The following PTPRN2 variants were observed in gnomAD, a reference collection of about 807,000 sequenced individuals.
PTPRN2 encodes receptor-type tyrosine-protein phosphatase N2.
Under a neutral mutation model 118.8 loss-of-function variants are expected in PTPRN2, and 74 were observed. The ratio of observed to expected loss-of-function variants is 0.62; its 90% CI spans 0.52 to 0.76. The LOEUF (loss-of-function observed/expected upper bound fraction) is 0.76. PTPRN2 is among the 30% of genes least tolerant of loss of function. The probability of loss-of-function intolerance (pLI) is 0.00; values close to 1 mark genes in which losing one functional copy is unlikely to be tolerated. For synonymous variants in PTPRN2, 641 were observed against 608.0 expected, an observed-to-expected ratio of 1.05 and a Z score of -0.80; for missense variants, 1,481 against 1,394.4, an observed-to-expected ratio of 1.06 and a Z score of -0.99.
chr7:157,734,421 T>C (rs1366167701), intron 12 of PTPRN2, among the ~76,000 whole-genome samples: 1 of 152,270 alleles, frequency 6.6e-6, no homozygotes, highest in Non-Finnish European at 1.5e-5. Context: ...CCAATTCAGC[T>C]TTTCAAACAA....
At chr7:158,062,250 C>CAGGT in intron 11 of PTPRN2, among the ~76,000 whole-genome samples, 1 of 152,366 alleles carries the variant, frequency 6.6e-6, no homozygotes, top group East Asian at 1.9e-4. Flanking sequence ...TCCAACATCA[C>CAGGT]AGGTAAGTCA....
intron 2 of PTPRN2, among the ~76,000 whole-genome samples, chr7:158,336,650 C>CAA (rs770426497): frequency 2.3e-5 from 2 of 86,114 alleles, no homozygotes; most frequent in South Asian, 3.5e-4. Flanking sequence ...CACACCCACA[C>CAA]GTCACTCACA....
chr7:158,371,951 G>A (rs763486446), intron 2 of PTPRN2, among the ~76,000 whole-genome samples: 1 of 152,202 alleles, frequency 6.6e-6, no homozygotes, highest in African/African-American at 2.4e-5. Flanking sequence ...CGCACTCAGC[G>A]TCCGTCGTGG....
intron 9 of PTPRN2, among the ~76,000 whole-genome samples, chr7:158,129,267 C>CAACACACCACAT (rs1554548891): frequency 6.6e-6 from 1 of 150,392 alleles, no homozygotes; most frequent in African/African-American, 2.5e-5. Context: ...ACACACCACA[C>CAACACACCACAT]ACTACACACC....
At chr7:157,556,955 C>G (rs1412780002) in intron 21 of PTPRN2, among the ~76,000 whole-genome samples, 1 of 151,180 alleles carries the variant, frequency 6.6e-6, no homozygotes, top group East Asian at 2.0e-4. Context: ...ACCCTACGCT[C>G]ATGTCATATG....
intron 12 of PTPRN2, among the ~76,000 whole-genome samples, chr7:157,720,929 C>T (rs775245055): frequency 1.3e-5 from 2 of 152,120 alleles, no homozygotes; most frequent in African/African-American, 4.8e-5. Flanking sequence ...GAAAGCCCCT[C>T]GCGAGTTGAG....
At chr7:158,197,646 G>A (rs562391383) in intron 4 of PTPRN2, among the ~76,000 whole-genome samples, 1 of 152,308 alleles carries the variant, frequency 6.6e-6, no homozygotes, top group East Asian at 1.9e-4. Context: ...ACTCAGTTCA[G>A]CATGGCTGGG....
chr7:158,091,623 AGTGG>A (rs1208238758), intron 10 of PTPRN2, among the ~76,000 whole-genome samples: 14 of 116,564 alleles, frequency 1.2e-4, no homozygotes, highest in East Asian at 3.1e-4. Flanking sequence ...TGGTTGGGTG[AGTGG>A]GTGGGTGGGT....
intron 1 of PTPRN2, among the ~76,000 whole-genome samples, chr7:158,498,658 C>G (rs1822130097): frequency 6.6e-6 from 1 of 152,108 alleles, no homozygotes; most frequent in African/African-American, 2.4e-5. Context: ...ACTAAGAAAA[C>G]ATTTCTAACC....
chr7:158,525,049 C>T lies in PTPRN2; in HGVS notation c.113-35264G>A, dbSNP rs898312762. ...TCCTGCACCCTCCGAAAAGACAGCC[C>T]TTGGAAGACTGTGGCTCAGGATGCA... On this transcript the variant is annotated intron_variant, in intron 1 of 22. Coordinates refer to ENST00000389418, the MANE Select transcript of PTPRN2 (RefSeq NM_002847.5). This position sits in a 1 kb window ranked among gnomAD's most constrained non-coding sequence, Gnocchi z 4.1. Among the ~76,000 whole-genome samples the T allele has an allele frequency of 5.9e-5, 9 of 152,092 alleles. No individual in the cohort carries two copies. Among genetic ancestry groups the T allele is most frequent in the Non-Finnish European group, 1.2e-4 (8 of 68,024 alleles).
rs1033265601 is a variant in PTPRN2, at chr7:157,861,345, G to A, written c.1788+37328C>T. Among the ~76,000 whole-genome samples the A allele has an allele frequency of 2.0e-4, 30 of 152,374 alleles. 1 individual carries two copies. The highest frequency in any genetic ancestry group is 1.7e-3 in the East Asian group (9 of 5,186). On this transcript the variant is annotated intron_variant, in intron 12 of 22. Transcript: ENST00000389418. The surrounding 1 kb of genome is among the most constrained non-coding windows in gnomAD (Gnocchi z 5.8). ...CCGGAAGCACCTCCGGCTGGAGCTC[G>A]GCCAAGGAGCCCGGGTCCCTTCAGT... is the stretch of plus-strand genomic sequence containing the variant.
chr7:157,970,690 C>T (rs1238350984), intron 11 of PTPRN2, among the ~76,000 whole-genome samples: 1 of 144,436 alleles, frequency 6.9e-6, no homozygotes, highest in African/African-American at 2.5e-5. Context: ...CCTGGTGAGC[C>T]TTGGTGGGAC....
chr7:157,913,273 C>A (rs1280077220), intron 11 of PTPRN2, among the ~76,000 whole-genome samples: 4 of 152,132 alleles, frequency 2.6e-5, no homozygotes, highest in Non-Finnish European at 5.9e-5. Context: ...TATACAGCAC[C>A]CTTCCTAAAC....
chr7:157,760,823 G>A (rs1274000099), intron 12 of PTPRN2, among the ~76,000 whole-genome samples: 2 of 152,178 alleles, frequency 1.3e-5, no homozygotes, highest in African/African-American at 2.4e-5. Context: ...AGACAATGGG[G>A]TTTTCTAGAT....
rs775835019 is a variant in PTPRN2 at position 157,786,836 on chromosome 7, G to A, written c.1789-103899C>T. Among the ~76,000 whole-genome samples the A allele has an allele frequency of 3.7e-4, 57 of 152,366 alleles. 1 individual carries two copies. The highest frequency in any genetic ancestry group is 7.2e-4 in the African/African-American group (30 of 41,590). Reference sequence around the variant, plus strand: ...CATCAGGTGGGTGGCACATTCCAGCGGCTTTGGCCTTGCCTGCCCAGTGCC... The same window carrying A: ...CATCAGGTGGGTGGCACATTCCAGCAGCTTTGGCCTTGCCTGCCCAGTGCC... On this transcript the variant is annotated intron_variant, in intron 12 of 22. Transcript: ENST00000389418.
chr7:158,439,165 A>T (rs530168904), intron 2 of PTPRN2, among the ~76,000 whole-genome samples: 1 of 152,286 alleles, frequency 6.6e-6, no homozygotes, highest in East Asian at 1.9e-4. Flanking sequence ...TCTTACACAT[A>T]TTGATTGACG....
intron 3 of PTPRN2, among the ~76,000 whole-genome samples, chr7:158,315,650 G>A (rs1055414458): frequency 6.6e-6 from 1 of 152,268 alleles, no homozygotes; most frequent in Non-Finnish European, 1.5e-5. Context: ...ACGGCCAGAT[G>A]TGTGATTACT....
chr7:158,323,843 C>G (rs145754723), intron 2 of PTPRN2, among the ~76,000 whole-genome samples: 2 of 152,144 alleles, frequency 1.3e-5, no homozygotes, highest in Admixed American at 1.3e-4. Context: ...CGTGTGTACA[C>G]GGTGCATGTA....
chr7:157,890,637 G>A (rs1393220754), intron 12 of PTPRN2, among the ~76,000 whole-genome samples: 1 of 152,196 alleles, frequency 6.6e-6, no homozygotes. Flanking sequence ...GCGAGACTGT[G>A]TCTCAAACAA....
Sources: allele counts gnomAD v4.1 joint callset (sites outside exome capture counted in the v4.1 genomes callset), GRCh38; gene constraint gnomAD v4.1.1; non-coding constraint Gnocchi (gnomAD v3.1); transcripts MANE v1.5; gene names NCBI Gene and HGNC (gene_info 2026-07-23, HGNC 2026-07-21).